The following TF variants were observed in gnomAD, a reference collection of about 807,000 sequenced individuals.
TF encodes the protein transferrin.
TF carries 55 observed loss-of-function variants against 82.4 expected under a neutral mutation model. That is an observed-to-expected ratio of 0.67 (90% confidence interval 0.54 to 0.84). The LOEUF is 0.84. Among genes scored for constraint, TF ranks in the 40% least tolerant of loss-of-function variants. The pLI, the probability that TF is intolerant of heterozygous loss-of-function variation, is 0.00. For synonymous variants in TF, 332 were observed against 332.6 expected (o/e 1.00, Z 0.02); for missense variants, 737 against 868.4 (o/e 0.85, Z 1.90).
the TF span, among the ~76,000 whole-genome samples, chr3:133,721,842 TA>T: frequency 6.6e-6 from 1 of 152,196 alleles, no homozygotes; most frequent in Admixed American, 6.5e-5. Flanking sequence ...CATCATCATA[TA>T]ATGACCTTCT....
At position 133,794,334 on chromosome 3, in the gene TF, A is replaced by G. The variant is rs1024882223; in HGVS notation, c.*15714A>G. On this transcript the variant is annotated 3_prime_UTR_variant, in exon 17 of 17. Coordinates refer to ENST00000402696, the MANE Select transcript of TF (RefSeq NM_001063.4). ...TTGGTCCCATATTCCTGGGAAAACA[A>G]TCAAAGCTTCAGGTACATCCAGTCA... 8 of 152,244 alleles carry G rather than the reference A, an allele frequency of 5.3e-5. No individual in the cohort carries two copies. The highest frequency in any genetic ancestry group is 5.9e-5 in the Non-Finnish European group (4 of 68,032). The allele number at this position is 152,244 out of a possible 1,614,324, so 9.4% of individuals were successfully genotyped here. A position where few individuals can be genotyped will look rare whatever the true frequency, so the allele number is the denominator to read the frequency against.
the TF span, among the ~76,000 whole-genome samples, chr3:133,669,771 G>A: frequency 1.2e-3 from 187 of 152,292 alleles, 2 homozygotes; most frequent in Middle Eastern, 3.4e-3. Flanking sequence ...TGCCAGATGG[G>A]CTTTATGTTA....
chr3:133,764,385 C>A, intron 10 of TF, 110 bp downstream of exon 10: 1 of 889,210 alleles, frequency 1.1e-6, no homozygotes, highest in Non-Finnish European at 1.9e-6. Context: ...AGCTTTCCCT[C>A]TCTGAGCACC....
chr3:133,688,133 T>G, the TF span: 2 of 153,114 alleles, frequency 1.3e-5, no homozygotes, highest in Non-Finnish European at 2.9e-5. Flanking sequence ...TAACCTCTTC[T>G]GCCAGCACAG....
At chr3:133,689,878 A>G in the TF span, among the ~76,000 whole-genome samples, 9 of 152,330 alleles carry the variant, frequency 5.9e-5, no homozygotes, top group African/African-American at 2.2e-4. Flanking sequence ...TTGAATTTTT[A>G]TTTGACAAAT....
intron 13 of TF, among the ~76,000 whole-genome samples, 154 bp from the exon 14 acceptor site, chr3:133,770,354 G>A (rs965337907): frequency 7.9e-5 from 12 of 152,152 alleles, no homozygotes; most frequent in African/African-American, 2.7e-4. Context: ...TTTTGTTTTT[G>A]TTCTCTTTAT....
In TF at chr3:133,784,413, T is replaced by C. The variant is rs1253746675; in HGVS notation, c.*5793T>C. On this transcript the variant is annotated 3_prime_UTR_variant, in exon 17 of 17. Transcript: ENST00000402696. ...TCGAGCCGTTCTAGGTGTAAAGAGG[T>C]TGTGACTTATGATAGAGTTAGAAAA... The C allele has an allele frequency of 6.6e-6, 1 of 151,070 alleles. No homozygotes were observed. The highest frequency in any genetic ancestry group is 1.5e-5 in the Non-Finnish European group (1 of 67,886). The allele number at this position is 151,070 out of a possible 1,614,324, so 9.4% of individuals were successfully genotyped here.
rs775196248 is a variant in TF, at chr3:133,786,849, C to T, written c.*8229C>T. ...TAACTTCTTACCTGAAACATCTTAT[C>T]TATGTAGATGTTCAGAATTGCCTGA... On this transcript the variant is annotated 3_prime_UTR_variant, in exon 17 of 17. Transcript: ENST00000402696. 5 of 152,190 alleles carry T rather than the reference C, an allele frequency of 3.3e-5. No homozygotes were observed. The highest frequency in any genetic ancestry group is 7.3e-5 in the Non-Finnish European group (5 of 68,028). 9.4% of individuals were successfully genotyped at this position (152,190 alleles called of 1,614,324 possible).
chr3:133,773,560 T>C (rs1934311469), intron 14 of TF: 1 of 152,068 alleles, frequency 6.6e-6, no homozygotes, highest in South Asian at 2.1e-4. Flanking sequence ...ATGTTAGAAA[T>C]GTACCAATTT....
rs975314306 is a variant in TF, at chr3:133,781,481, A to C, written c.*2861A>C. ...CAAGAATAAATAAAATGTATCATTT[A>C]GTAAATTAATAAAAGCTACATTTAA... On this transcript the variant is annotated 3_prime_UTR_variant, in exon 17 of 17. Coordinates refer to ENST00000402696, the MANE Select transcript of TF (RefSeq NM_001063.4). The C allele has an allele frequency of 1.3e-5, 2 of 152,192 alleles. No individual in the cohort carries two copies. Among genetic ancestry groups the C allele is most frequent in the Non-Finnish European group, 2.9e-5 (2 of 68,046 alleles). 9.4% of individuals were successfully genotyped at this position (152,192 alleles called of 1,614,324 possible). A position where few individuals can be genotyped will look rare whatever the true frequency, so the allele number is the denominator to read the frequency against.
the TF span, among the ~76,000 whole-genome samples, chr3:133,732,637 C>T: frequency 6.6e-6 from 1 of 152,240 alleles, no homozygotes; most frequent in South Asian, 2.1e-4. Context: ...TCATGAAGGT[C>T]TGCAGCTTCA....
At chr3:133,677,850 A>T in the TF span, among the ~76,000 whole-genome samples, 1 of 152,006 alleles carries the variant, frequency 6.6e-6, no homozygotes, top group Non-Finnish European at 1.5e-5. Flanking sequence ...TGCCCAGCTA[A>T]TTTAAAAAAA....
At chr3:133,678,851 TTTTTGTTTTGTTTTGTTTTGTTTTG>T in the TF span, among the ~76,000 whole-genome samples, 1 of 149,324 alleles carries the variant, frequency 6.7e-6, no homozygotes, top group Non-Finnish European at 1.5e-5. Flanking sequence ...GCCCAGCTAT[TTTTTGTTTTGTTTTGTTTTGTTTTG>T]TTTTGTTTTG....
Position 133,787,601 on chromosome 3 carries a change from C to A in TF, c.*8981C>A, listed in dbSNP as rs570267473. ...AAACTGATGGGAAATACTGTGTTTG[C>A]AAGTGGGATTGTTAAATCACCTCTG... On this transcript the variant is annotated 3_prime_UTR_variant, in exon 17 of 17. Transcript: ENST00000402696. The A allele has an allele frequency of 2.0e-5, 3 of 152,268 alleles. No homozygotes were observed. Among genetic ancestry groups the A allele is most frequent in the Admixed American group, 1.3e-4 (2 of 15,300 alleles). The allele number at this position is 152,268 out of a possible 1,614,324, so 9.4% of individuals were successfully genotyped here.
Position 133,792,619 on chromosome 3 carries a change from AT to A in TF, c.*14000del, listed in dbSNP as rs1205876388. The stretch of plus-strand genomic sequence containing the variant: ...ACTCGCTAAGAGTTAACATTGTAAC[AT>A]GTAAGTGAGACTACTGAAGCAACAG... On this transcript the variant is annotated 3_prime_UTR_variant, in exon 17 of 17. Coordinates refer to ENST00000402696, the MANE Select transcript of TF (RefSeq NM_001063.4). 2.6e-5 allele frequency: 4 copies of A among 152,244 alleles called. No individual in the cohort carries two copies. Among genetic ancestry groups the A allele is most frequent in the Non-Finnish European group, 5.9e-5 (4 of 68,040 alleles). The allele number at this position is 152,244 out of a possible 1,614,324, so 9.4% of individuals were successfully genotyped here.
chr3:133,693,291 C>G, the TF span, among the ~76,000 whole-genome samples: 1,460 of 152,194 alleles, frequency 9.6e-3, 21 homozygotes, highest in African/African-American at 0.033. Flanking sequence ...GGCCTACATG[C>G]CTTAGGTGAG....
rs1356397363 is a variant in TF, at chr3:133,781,854, G to A, written c.*3234G>A. On this transcript the variant is annotated 3_prime_UTR_variant, in exon 17 of 17. Transcript: ENST00000402696. ...AGCTTCTGCATAGCAAAGACAACAA[G>A]CAACAAAATGAAATGGCAACCTATG... 3.3e-5 allele frequency: 5 copies of A among 151,992 alleles called. No individual in the cohort carries two copies. The highest frequency in any genetic ancestry group is 1.2e-4 in the African/African-American group (5 of 41,394). The allele number at this position is 151,992 out of a possible 1,614,324, so 9.4% of individuals were successfully genotyped here. A position where few individuals can be genotyped will look rare whatever the true frequency, so the allele number is the denominator to read the frequency against.
At chr3:133,736,883 C>A in the TF span, among the ~76,000 whole-genome samples, 738 of 152,148 alleles carry the variant, frequency 4.9e-3, 8 homozygotes, top group Non-Finnish European at 8.2e-3. Flanking sequence ...GACTTTAACA[C>A]CCCACTGTCA....
At chr3:133,690,610 G>T in the TF span, among the ~76,000 whole-genome samples, 11 of 152,334 alleles carry the variant, frequency 7.2e-5, no homozygotes, top group East Asian at 2.1e-3. Flanking sequence ...GTATGTGTAT[G>T]TGTGTTTATG....
Sources: allele counts gnomAD v4.1 joint callset (sites outside exome capture counted in the v4.1 genomes callset), GRCh38; gene constraint gnomAD v4.1.1; transcripts MANE v1.5; gene names NCBI Gene and HGNC (gene_info 2026-07-23, HGNC 2026-07-21).